The following FBN2 variants were observed in gnomAD, a reference collection of about 807,000 sequenced individuals.
FBN2 encodes fibrillin-2.
Under a neutral mutation model 355.6 loss-of-function variants are expected in FBN2, and 105 were observed. The observed-to-expected ratio is 0.30, with a 90% CI of 0.25 to 0.35. The LOEUF is 0.35. Ranked by LOEUF, FBN2 falls within the 10% of genes least tolerant of loss-of-function variation. The pLI is 1.00. For missense variants in FBN2, 3,280 were observed against 3,758.7 expected (o/e 0.87, Z 3.33); for synonymous variants, 1,350 against 1,301.2 (o/e 1.04, Z -0.81).
Position 128,280,300 on chromosome 5 carries a change from T to A in FBN2, c.7030A>T (p.Thr2344Ser). ...CCATTTTCACAGATTCCTGGCTTGG[T>A]CCTGCATTCATTTTCATCTTTAGAA... Reference protein sequence around the residue: ...EGCVDENECRTKPGICENGRC... With the variant: ...EGCVDENECRSKPGICENGRC... Residue 2344 changes from threonine to serine, a missense_variant, in exon 56 of 65, where the codon ACC becomes TCC. Around this residue, in one of 6 missense-constraint regions of FBN2, gnomAD observed 2,284 missense variants for 2,749.5 expected, o/e 0.83. Coordinates refer to ENST00000262464, the MANE Select transcript of FBN2 (RefSeq NM_001999.4). 2 of 1,611,252 alleles carry A rather than the reference T, an allele frequency of 1.2e-6. No homozygotes were observed. The highest frequency in any genetic ancestry group is 1.7e-6 in the Non-Finnish European group (2 of 1,177,674).
chr5:128,322,065 G>A lies in FBN2; in HGVS notation c.4472-3064C>T, dbSNP rs73345207. 7.7e-3 allele frequency among the ~76,000 whole-genome samples: 1,167 copies of A among 151,962 alleles called. 21 individuals are homozygous for A. Among genetic ancestry groups the A allele is most frequent in the African/African-American group, 0.026 (1,098 of 41,436 alleles). Reference sequence around the variant, plus strand: ...CCAGTGAGGATGTGCTTTTTTTCACGTTTGTTGGCCTCATAAATGTTTTCT... The same window carrying A: ...CCAGTGAGGATGTGCTTTTTTTCACATTTGTTGGCCTCATAAATGTTTTCT... On this transcript the variant is annotated intron_variant, in intron 34 of 64. Transcript: ENST00000262464.
At chr5:128,475,562 G>T (rs926690321) in intron 5 of FBN2, among the ~76,000 whole-genome samples, 3 of 152,012 alleles carry the variant, frequency 2.0e-5, no homozygotes, top group Admixed American at 6.6e-5. Context: ...TAATAAAGAT[G>T]TAATTGGAAA....
chr5:128,506,574 C>T (rs1004346019), intron 5 of FBN2, among the ~76,000 whole-genome samples: 1 of 152,132 alleles, frequency 6.6e-6, no homozygotes, highest in African/African-American at 2.4e-5. Context: ...GGATTTTCTA[C>T]ATAGACAATA....
chr5:128,274,485 T>C (rs1337830226), intron 60 of FBN2, 82 bp downstream of exon 60: 29 of 817,452 alleles, frequency 3.5e-5, no homozygotes, highest in Admixed American at 6.9e-5. Context: ...TACCAGGACA[T>C]TCTTCTGTTT....
At chr5:128,348,894 G>T (rs546661617) in intron 23 of FBN2, among the ~76,000 whole-genome samples, 1 of 152,168 alleles carries the variant, frequency 6.6e-6, no homozygotes, top group South Asian at 2.1e-4. Flanking sequence ...AACTCTAATA[G>T]CAATAAAGGA....
chr5:128,466,502 G>T (rs921081581), intron 5 of FBN2, among the ~76,000 whole-genome samples: 1 of 152,170 alleles, frequency 6.6e-6, no homozygotes, highest in Non-Finnish European at 1.5e-5. Flanking sequence ...AAAATGCTAA[G>T]CTAGGAAGCC....
rs532589016 is a variant in FBN2, at chr5:128,483,138, C to A, written c.629-18217G>T. Among the ~76,000 whole-genome samples, 309 of 152,058 alleles carry A rather than the reference C, an allele frequency of 2.0e-3. 1 individual carries two copies. Among genetic ancestry groups the A allele is most frequent in the Non-Finnish European group, 3.6e-3 (244 of 67,984 alleles). ...CTACACATGGATATAAAGATGGGAA[C>A]AATAGACACCAGGGACTAATAGATG... is the stretch of plus-strand genomic sequence containing the variant. On this transcript the variant is annotated intron_variant, in intron 5 of 64. Coordinates refer to ENST00000262464, the MANE Select transcript of FBN2 (RefSeq NM_001999.4).
At chr5:128,298,375 T>C (rs1385668754) in intron 48 of FBN2, among the ~76,000 whole-genome samples, 1 of 152,170 alleles carries the variant, frequency 6.6e-6, no homozygotes, top group Non-Finnish European at 1.5e-5. Context: ...TGAATCTGAA[T>C]GTTGGCCTGC....
chr5:128,486,234 A>T, intron 5 of FBN2, among the ~76,000 whole-genome samples: 1 of 152,320 alleles, frequency 6.6e-6, no homozygotes, highest in East Asian at 1.9e-4. Flanking sequence ...TTATAAATGC[A>T]GACGCCTTAA....
intron 43 of FBN2, 27 bp from the exon 44 acceptor site, chr5:128,305,663 A>T (rs1466131465): frequency 6.2e-7 from 1 of 1,613,448 alleles, no homozygotes; most frequent in Admixed American, 1.7e-5. Flanking sequence ...TCCATTTTAA[A>T]GAGTCCTTTT....
chr5:128,325,060 T>C (rs1750507506), intron 34 of FBN2, among the ~76,000 whole-genome samples: 2 of 152,216 alleles, frequency 1.3e-5, no homozygotes, highest in Non-Finnish European at 2.9e-5. Flanking sequence ...AAGTGCTATG[T>C]GGTGCTGAGA....
intron 8 of FBN2, among the ~76,000 whole-genome samples, chr5:128,406,545 G>C (rs914240023): frequency 6.6e-6 from 1 of 151,996 alleles, no homozygotes; most frequent in Non-Finnish European, 1.5e-5. Flanking sequence ...TTGGGTTCAG[G>C]GGCCATGATG....
intron 5 of FBN2, among the ~76,000 whole-genome samples, chr5:128,471,833 T>C (rs954423702): frequency 6.6e-6 from 1 of 152,182 alleles, no homozygotes; most frequent in Non-Finnish European, 1.5e-5. Flanking sequence ...ATGTAGTTTT[T>C]AATTTATTAG....
intron 7 of FBN2, among the ~76,000 whole-genome samples, chr5:128,419,452 T>C (rs1014153617): frequency 1.3e-5 from 2 of 152,198 alleles, no homozygotes; most frequent in Admixed American, 1.3e-4. Flanking sequence ...TTTTCATAGA[T>C]GCCCTCTATA....
chr5:128,500,430 CTTTTTTTTT>C (rs149068555), intron 5 of FBN2, among the ~76,000 whole-genome samples: 17 of 51,176 alleles, frequency 3.3e-4, no homozygotes, highest in African/African-American at 1.4e-3. Context: ...TCTGACAATT[CTTTTTTTTT>C]TTTTTTTTTT....
At chr5:128,521,036 T>G (rs1259255011) in intron 4 of FBN2, among the ~76,000 whole-genome samples, 1 of 152,154 alleles carries the variant, frequency 6.6e-6, no homozygotes. Context: ...TAGAAACAAC[T>G]GCCAGGATTT....
At chr5:128,294,860 T>C (rs1392683190) in intron 48 of FBN2, among the ~76,000 whole-genome samples, 3 of 93,308 alleles carry the variant, frequency 3.2e-5, no homozygotes, top group Non-Finnish European at 6.3e-5. Flanking sequence ...TTTGTCAATT[T>C]TGTCTTTTGT....
intron 5 of FBN2, among the ~76,000 whole-genome samples, chr5:128,501,008 A>C (rs1288663926): frequency 2.0e-5 from 3 of 152,198 alleles, no homozygotes; most frequent in South Asian, 2.1e-4. Flanking sequence ...CATAAGAACA[A>C]AGGATTCTCA....
intron 5 of FBN2, among the ~76,000 whole-genome samples, chr5:128,474,241 G>A (rs962511089): frequency 2.0e-5 from 3 of 152,194 alleles, no homozygotes; most frequent in African/African-American, 7.2e-5. Flanking sequence ...TAGTTAAGCA[G>A]AAGGATATCG....
Sources: gnomAD v4.1 joint callset for allele counts (sites outside exome capture counted in the v4.1 genomes callset) on GRCh38, gnomAD v4.1.1 for gene constraint, gnomAD v4.1.1 regional missense constraint, MANE v1.5 for transcripts, NCBI Gene and HGNC (gene_info 2026-07-23, HGNC 2026-07-21) for gene names.